MAML3: variants seen among roughly 807,000 people sequenced by gnomAD.
The protein encoded by MAML3 is mastermind-like protein 3.
Under a neutral mutation model 101.9 loss-of-function variants are expected in MAML3, and 27 were observed. The ratio of observed to expected loss-of-function variants is 0.27; its 90% confidence interval spans 0.20 to 0.37. MAML3 has a LOEUF of 0.37. MAML3 is among the 10% of genes least tolerant of loss of function. The pLI, the probability that MAML3 is intolerant of heterozygous loss-of-function variation, is 1.00. For synonymous variants in MAML3, 501 were observed against 555.9 expected (o/e 0.90, Z 1.39); for missense variants, 1,316 against 1,444.9 (o/e 0.91, Z 1.45).
At chr4:140,005,139 G>C (rs1473701247) in intron 1 of MAML3, among the ~76,000 whole-genome samples, 1 of 152,166 alleles carries the variant, frequency 6.6e-6, no homozygotes, top group Non-Finnish European at 1.5e-5. Context: ...GCTACCCTTT[G>C]TCCTGGTTAG....
intron 1 of MAML3, among the ~76,000 whole-genome samples, chr4:140,151,723 C>A (rs1729173915): frequency 6.7e-6 from 1 of 150,266 alleles, no homozygotes; most frequent in Non-Finnish European, 1.5e-5. Context: ...TCCCAAGCTT[C>A]CGGCCTCCCC....
intron 2 of MAML3, among the ~76,000 whole-genome samples, chr4:139,783,868 G>A (rs563582134): frequency 4.6e-5 from 7 of 152,246 alleles, no homozygotes; most frequent in African/African-American, 1.4e-4. Flanking sequence ...GTGACAGCCC[G>A]GGCTGCTGAA....
At chr4:139,972,001 T>C (rs1213656166) in intron 1 of MAML3, among the ~76,000 whole-genome samples, 1 of 152,224 alleles carries the variant, frequency 6.6e-6, no homozygotes, top group East Asian at 1.9e-4. Flanking sequence ...TACAGATTTC[T>C]TTCTATCTCA....
chr4:140,046,335 T>A (rs140721035), intron 1 of MAML3, among the ~76,000 whole-genome samples: 337 of 152,320 alleles, frequency 2.2e-3, no homozygotes, highest in Middle Eastern at 0.014. Context: ...AAGCAGAATC[T>A]CGTCTCCCCA....
intron 2 of MAML3, among the ~76,000 whole-genome samples, chr4:139,738,717 G>GA (rs374950034): frequency 2.7e-5 from 4 of 148,970 alleles, no homozygotes; most frequent in Non-Finnish European, 6.0e-5. Context: ...AAGGTACAGA[G>GA]AAAAAAAAAT....
At chr4:139,852,867 T>C (rs114784248) in intron 2 of MAML3, among the ~76,000 whole-genome samples, 1,763 of 152,324 alleles carry the variant, frequency 0.012, 32 homozygotes, top group African/African-American at 0.035. Context: ...AAGAACACCT[T>C]AGGTTTGTCT....
chr4:139,903,456 C>T (rs905230534), intron 1 of MAML3, among the ~76,000 whole-genome samples: 3 of 152,264 alleles, frequency 2.0e-5, no homozygotes, highest in Non-Finnish European at 2.9e-5. Flanking sequence ...ACCTTCTGGA[C>T]GGCAATGTAG....
intron 1 of MAML3, among the ~76,000 whole-genome samples, chr4:140,092,761 G>A (rs1054814075): frequency 1.5e-4 from 23 of 152,246 alleles, no homozygotes; most frequent in African/African-American, 5.3e-4. Context: ...AGCTTGGAAG[G>A]TATTCTCCTA....
At chr4:139,728,164 G>A (rs1344366506) in intron 3 of MAML3, among the ~76,000 whole-genome samples, 2 of 152,132 alleles carry the variant, frequency 1.3e-5, no homozygotes, top group East Asian at 1.9e-4. Flanking sequence ...GTAGTGAGCC[G>A]AGATCATGCC....
intron 2 of MAML3, among the ~76,000 whole-genome samples, chr4:139,798,720 T>G (rs769094719): frequency 6.6e-6 from 1 of 152,206 alleles, no homozygotes. Flanking sequence ...CTAGTACAGA[T>G]GGTAGAAACC....
At chr4:139,807,350 A>G (rs949538713) in intron 2 of MAML3, among the ~76,000 whole-genome samples, 1 of 152,190 alleles carries the variant, frequency 6.6e-6, no homozygotes, top group Non-Finnish European at 1.5e-5. Context: ...TATAGATTAA[A>G]GCAAAAATCT....
chr4:139,826,349 A>G (rs1259206855), intron 2 of MAML3, among the ~76,000 whole-genome samples: 3 of 152,064 alleles, frequency 2.0e-5, no homozygotes, highest in Non-Finnish European at 4.4e-5. Flanking sequence ...CAAGCCTTTT[A>G]AAGCTGTGTT....
intron 1 of MAML3, among the ~76,000 whole-genome samples, chr4:140,145,146 T>A (rs887484774): frequency 1.3e-5 from 2 of 151,818 alleles, no homozygotes; most frequent in Non-Finnish European, 2.9e-5. Flanking sequence ...GCTCGGGAGG[T>A]GGAGAAAGAT....
chr4:139,967,870 C>T (rs955931222), intron 1 of MAML3, among the ~76,000 whole-genome samples: 1 of 151,602 alleles, frequency 6.6e-6, no homozygotes, highest in South Asian at 2.1e-4. Context: ...CAGACACCCC[C>T]ACAGATACAC....
chr4:140,072,029 C>A (rs1044027835), intron 1 of MAML3, among the ~76,000 whole-genome samples: 1 of 152,160 alleles, frequency 6.6e-6, no homozygotes, highest in Admixed American at 6.5e-5. Context: ...AAAGCAACCA[C>A]AAGTACCTCA....
chr4:139,820,240 T>A (rs1195203084), intron 2 of MAML3, among the ~76,000 whole-genome samples: 1 of 152,268 alleles, frequency 6.6e-6, no homozygotes, highest in Non-Finnish European at 1.5e-5. Flanking sequence ...TGAAAGAGTC[T>A]GCTTTTAAAG....
intron 2 of MAML3, among the ~76,000 whole-genome samples, chr4:139,736,449 C>T (rs1353931613): frequency 6.6e-6 from 1 of 152,184 alleles, no homozygotes; most frequent in Non-Finnish European, 1.5e-5. Flanking sequence ...CTGGCTGTGA[C>T]TCCCAGAGGT....
intron 2 of MAML3, among the ~76,000 whole-genome samples, chr4:139,878,371 A>T (rs1300700547): frequency 1.3e-5 from 2 of 152,126 alleles, no homozygotes; most frequent in East Asian, 3.9e-4. Flanking sequence ...GCTCCCTTGT[A>T]TCGCCCTTAT....
intron 1 of MAML3, among the ~76,000 whole-genome samples, chr4:140,036,398 T>C (rs1191670898): frequency 6.6e-6 from 1 of 152,166 alleles, no homozygotes; most frequent in Non-Finnish European, 1.5e-5. Context: ...TGTCAGAGAA[T>C]ACTACAGGGA....
Sources: allele counts gnomAD v4.1 joint callset (sites outside exome capture counted in the v4.1 genomes callset), GRCh38; gene constraint gnomAD v4.1.1; transcripts MANE v1.5; gene names NCBI Gene and HGNC (gene_info 2026-07-23, HGNC 2026-07-21).